CDH18: variants seen among roughly 807,000 people sequenced by gnomAD.
The protein encoded by CDH18 is cadherin-18.
In CDH18, 31 loss-of-function variants were observed where a neutral mutation model predicts 67.9. The ratio of observed to expected loss-of-function variants is 0.46; its 90% CI spans 0.34 to 0.62. The LOEUF is 0.62. CDH18 is among the 20% of genes least tolerant of loss of function. The pLI is 0.01. For synonymous variants in CDH18, 362 were observed against 347.2 expected (o/e 1.04, Z -0.48); for missense variants, 890 against 975.5 (o/e 0.91, Z 1.17).
chr5:19,591,227 C>T lies in CDH18; in HGVS notation c.829G>A (p.Val277Ile), dbSNP rs1745081051. The change falls in exon 7 of 13, where the codon GTT becomes ATT. Residue 277 changes from valine (V) to isoleucine (I), a missense_variant. Val to Ile is a conservative substitution (Grantham distance 29). Coordinates refer to ENST00000382275, the MANE Select transcript of CDH18 (RefSeq NM_004934.5). ...RFPQKHYQLY[V>I]PESAQVGSAV... Reference sequence around the variant, plus strand: ...GAACCAACTTGAGCTGACTCAGGAACATATAGCTGATAGTGTTCTGGAAGA... The same window carrying T: ...GAACCAACTTGAGCTGACTCAGGAATATATAGCTGATAGTGTTCTGGAAGA... 6.2e-7 allele frequency: 1 copy of T among 1,605,558 alleles called. No individual in the cohort carries two copies. The highest frequency in any genetic ancestry group is 1.3e-5 in the African/African-American group (1 of 74,630).
intron 1 of CDH18, chr5:20,331,229 T>A (rs1209886142): frequency 1.3e-5 from 2 of 152,212 alleles, no homozygotes; most frequent in East Asian, 3.8e-4. Context: ...ACAATTTGAA[T>A]GTTTATCTTG....
At chr5:19,535,031 T>C (rs1749197244) in intron 9 of CDH18, among the ~76,000 whole-genome samples, 1 of 152,142 alleles carries the variant, frequency 6.6e-6, no homozygotes, top group African/African-American at 2.4e-5. Context: ...CAGTCACATT[T>C]TGAAATAATT....
intron 1 of CDH18, among the ~76,000 whole-genome samples, chr5:20,548,235 G>C (rs1167430633): frequency 6.6e-6 from 1 of 150,574 alleles, no homozygotes; most frequent in Non-Finnish European, 1.5e-5. Context: ...TTTAAAGACA[G>C]GTATATTGGA....
intron 2 of CDH18, among the ~76,000 whole-genome samples, chr5:20,118,386 A>G (rs1748090518): frequency 6.6e-6 from 1 of 152,188 alleles, no homozygotes; most frequent in Non-Finnish European, 1.5e-5. Flanking sequence ...ATAAGCAATA[A>G]TTATTGGCAG....
At chr5:20,464,470 A>G (rs528068740) in intron 1 of CDH18, among the ~76,000 whole-genome samples, 1 of 57,370 alleles carries the variant, frequency 1.7e-5, no homozygotes, top group Non-Finnish European at 3.4e-5. Flanking sequence ...CTTGCCTGTT[A>G]TTGTTTATCT....
At chr5:20,032,539 C>G (rs1739495470) in intron 2 of CDH18, among the ~76,000 whole-genome samples, 1 of 151,982 alleles carries the variant, frequency 6.6e-6, no homozygotes, top group Non-Finnish European at 1.5e-5. Flanking sequence ...TTGTGTGAAT[C>G]TCGAATCTTA....
At position 20,328,510 on chromosome 5, in the gene CDH18, A is replaced by T. The variant is rs112806331; in HGVS notation, c.-579-73005T>A. ...GTGTGTGTGTGTGTGTGTGTGTGTGAGAGAGAGAGAGAGAGAGAGATTATA... is the reference window on the plus strand; with the variant it reads ...GTGTGTGTGTGTGTGTGTGTGTGTGTGAGAGAGAGAGAGAGAGAGATTATA... On this transcript the variant is annotated intron_variant, in intron 1 of 14. Coordinates refer to the CDH18 transcript ENST00000507958. Among the ~76,000 whole-genome samples the T allele has an allele frequency of 4.0e-3, 579 of 145,082 alleles. 5 individuals carry two copies. Among genetic ancestry groups the T allele is most frequent in the African/African-American group, 0.014 (548 of 38,906 alleles).
intron 1 of CDH18, among the ~76,000 whole-genome samples, chr5:20,336,614 T>C (rs62352790): frequency 0.43 from 63,869 of 149,746 alleles, 15,694 homozygotes; most frequent in Middle Eastern, 0.61. Flanking sequence ...TTCCAGCTAC[T>C]CTGGAGGCTG....
At chr5:19,962,395 A>AAAAAAAAGAAAAAT (rs58319680) in intron 2 of CDH18, among the ~76,000 whole-genome samples, 1 of 117,056 alleles carries the variant, frequency 8.5e-6, no homozygotes, top group Non-Finnish European at 1.7e-5. Context: ...AAAAAAAAAA[A>AAAAAAAAGAAAAAT]AGAAAATTCA....
intron 11 of CDH18, among the ~76,000 whole-genome samples, chr5:19,485,882 C>A (rs1159308927): frequency 1.3e-5 from 2 of 152,002 alleles, no homozygotes; most frequent in African/African-American, 4.8e-5. Context: ...GTGTAGATGG[C>A]GGCTCTTTCA....
chr5:20,444,467 G>A (rs943629635), intron 1 of CDH18, among the ~76,000 whole-genome samples: 17 of 152,166 alleles, frequency 1.1e-4, no homozygotes, highest in African/African-American at 4.1e-4. Flanking sequence ...AACCCAGGAG[G>A]TGGAGGTTGC....
chr5:20,343,477 C>A (rs979585791), intron 1 of CDH18, among the ~76,000 whole-genome samples: 11 of 152,098 alleles, frequency 7.2e-5, no homozygotes, highest in African/African-American at 2.4e-4. Flanking sequence ...ACAATTCATG[C>A]AGATAGTGGT....
In CDH18 at chr5:20,470,928, C is replaced by G. The variant is rs1011855409; in HGVS notation, c.-580+104534G>C. Among the ~76,000 whole-genome samples, 5 of 152,166 alleles carry G rather than the reference C, an allele frequency of 3.3e-5. No individual in the cohort carries two copies. In the East Asian group the frequency reaches 7.7e-4, roughly 24 times the overall value. On this transcript the variant is annotated intron_variant, in intron 1 of 14. Transcript: ENST00000507958. Reference sequence around the variant, plus strand: ...CACAAATTTCTCCTCTCTACGAGATCGTTCCTATCATACTGTTATTTCTGA... The same window carrying G: ...CACAAATTTCTCCTCTCTACGAGATGGTTCCTATCATACTGTTATTTCTGA...
intron 2 of CDH18, among the ~76,000 whole-genome samples, chr5:19,942,265 A>C (rs181989849): frequency 6.6e-6 from 1 of 152,242 alleles, no homozygotes; most frequent in East Asian, 1.9e-4. Flanking sequence ...TAAGGCACAT[A>C]TGATTTTCCT....
chr5:19,678,790 G>C (rs1426040985), intron 5 of CDH18, among the ~76,000 whole-genome samples: 1 of 151,916 alleles, frequency 6.6e-6, no homozygotes, highest in Admixed American at 6.6e-5. Flanking sequence ...TATGAGTTCT[G>C]AAATTGATTC....
chr5:19,950,340 G>A (rs915518473), intron 2 of CDH18, among the ~76,000 whole-genome samples: 3 of 152,006 alleles, frequency 2.0e-5, no homozygotes, highest in Non-Finnish European at 4.4e-5. Context: ...AAAGGCATAA[G>A]AATGATATAA....
At chr5:20,225,319 T>C (rs904210634) in intron 2 of CDH18, among the ~76,000 whole-genome samples, 11 of 152,182 alleles carry the variant, frequency 7.2e-5, no homozygotes, top group Admixed American at 2.6e-4. Context: ...CATTGTTTTT[T>C]ATGCCTATAC....
chr5:19,732,886 T>C (rs1481220636), intron 4 of CDH18, among the ~76,000 whole-genome samples: 7 of 152,208 alleles, frequency 4.6e-5, no homozygotes, highest in East Asian at 3.9e-4. Context: ...TCTTCTCACC[T>C]ACAGGCTGTC....
intron 1 of CDH18, among the ~76,000 whole-genome samples, chr5:20,501,594 T>TATATTA (rs1554010562): frequency 2.8e-4 from 10 of 35,278 alleles, no homozygotes; most frequent in African/African-American, 1.1e-3. Context: ...TATATATATA[T>TATATTA]TATATATATA....
Sources: allele counts gnomAD v4.1 joint callset (sites outside exome capture counted in the v4.1 genomes callset), GRCh38; gene constraint gnomAD v4.1.1; transcripts MANE v1.5; gene names NCBI Gene and HGNC (gene_info 2026-07-23, HGNC 2026-07-21).